CLIP1: variants seen among roughly 807,000 people sequenced by gnomAD.
CLIP1 encodes the protein CAP-Gly domain containing linker protein 1.
In CLIP1, 66 loss-of-function variants were observed where a neutral mutation model predicts 161.6. The observed-to-expected ratio is 0.41, with a 90% CI of 0.33 to 0.50. The LOEUF is 0.50. Among genes scored for constraint, CLIP1 ranks in the 20% least tolerant of loss-of-function variants. The pLI is 0.27. For missense variants in CLIP1, 1,376 were observed against 1,702.0 expected (o/e 0.81, Z 3.37); for synonymous variants, 598 against 626.2 (o/e 0.96, Z 0.67).
At chr12:122,383,376 A>C (rs1039413986) in intron 1 of CLIP1, among the ~76,000 whole-genome samples, 6 of 152,236 alleles carry the variant, frequency 3.9e-5, no homozygotes, top group African/African-American at 1.4e-4. Flanking sequence ...GAACTTTCAA[A>C]TCTTGCAGCT....
intron 1 of CLIP1, among the ~76,000 whole-genome samples, chr12:122,409,999 T>C (rs1367818341): frequency 6.6e-6 from 1 of 151,290 alleles, no homozygotes; most frequent in Admixed American, 6.6e-5. Context: ...GCCTCCCGAG[T>C]AGCTGGGACT....
chr12:122,394,408 G>A (rs929960408), intron 1 of CLIP1, among the ~76,000 whole-genome samples: 1 of 140,608 alleles, frequency 7.1e-6, no homozygotes, highest in African/African-American at 2.7e-5. Context: ...AGAATCGTTT[G>A]AAGCCGGGAA....
chr12:122,346,994 T>C (rs764599217), intron 10 of CLIP1, among the ~76,000 whole-genome samples: 8 of 152,110 alleles, frequency 5.3e-5, no homozygotes, highest in Non-Finnish European at 8.8e-5. Context: ...TAACAAAAAA[T>C]TATTTAGAAA....
intron 2 of CLIP1, 46 bp from the exon 3 acceptor site, chr12:122,378,006 A>T: frequency 6.7e-7 from 1 of 1,503,484 alleles, no homozygotes; most frequent in Non-Finnish European, 9.0e-7. Context: ...TTTCAAGCAG[A>T]CAACCTCTAA....
intron 20 of CLIP1, among the ~76,000 whole-genome samples, chr12:122,298,042 TG>T (rs1172140630): frequency 6.6e-6 from 1 of 152,192 alleles, no homozygotes; most frequent in Non-Finnish European, 1.5e-5. Context: ...CCCACGGCAT[TG>T]GTCAAGGCTG....
At chr12:122,287,805 C>T (rs1016747763) in intron 21 of CLIP1, among the ~76,000 whole-genome samples, 6 of 152,112 alleles carry the variant, frequency 3.9e-5, no homozygotes, top group African/African-American at 1.4e-4. Context: ...AATCACATTA[C>T]CCATTATTAG....
In CLIP1 at chr12:122,309,773, T is replaced by C. The variant is rs763621326; in HGVS notation, c.3583A>G (p.Ser1195Gly). Residue 1195 changes from serine (S) to glycine (G), a missense_variant, in exon 20 of 26, where the codon AGT (serine) becomes GGT (glycine). By Grantham distance (56) the Ser-to-Gly change is moderately conservative. This residue lies in a region of CLIP1 where 948 missense variants were observed against 1,134.8 expected (regional missense o/e 0.84). Transcript: ENST00000620786. ...CAAAGGACACTGACCTTTTGATGAC[T>C]TGTGACTTCGTCCCTGCTTCTCCCC... is the stretch of plus-strand genomic sequence containing the variant. Reference protein sequence around the residue: ...ELGRSRDEVTSHQKLEEERSV... With the variant: ...ELGRSRDEVTGHQKLEEERSV... 6.2e-7 allele frequency: 1 copy of C among 1,612,668 alleles called. No individual in the cohort carries two copies. The highest frequency in any genetic ancestry group is 1.1e-5 in the South Asian group (1 of 91,010).
chr12:122,346,568 T>A (rs1459156691), intron 10 of CLIP1, among the ~76,000 whole-genome samples: 3 of 152,134 alleles, frequency 2.0e-5, no homozygotes, highest in Non-Finnish European at 1.5e-5. Context: ...AGTGGCACGA[T>A]CTCAGCTCAT....
chr12:122,272,511 T>A lies in CLIP1; in HGVS notation c.*364A>T. On this transcript the variant is annotated 3_prime_UTR_variant, in exon 26 of 26. Transcript: ENST00000620786. ...TATACAAATGCAGCCTGGAAATATCTTAGTGCAAATATGAAAAGTAACGGC... is the reference window on the plus strand; with the variant it reads ...TATACAAATGCAGCCTGGAAATATCATAGTGCAAATATGAAAAGTAACGGC... 1 of 178,696 alleles carries A rather than the reference T, an allele frequency of 5.6e-6. No individual in the cohort carries two copies. Among genetic ancestry groups the A allele is most frequent in the Non-Finnish European group, 1.2e-5 (1 of 84,162 alleles). 11.1% of individuals were successfully genotyped at this position (178,696 alleles called of 1,614,324 possible).
At chr12:122,303,576 T>C (rs1159934372) in intron 20 of CLIP1, among the ~76,000 whole-genome samples, 8 of 152,194 alleles carry the variant, frequency 5.3e-5, no homozygotes, top group African/African-American at 1.9e-4. Flanking sequence ...TCCTGAGATT[T>C]TTCTTCAGTG....
At chr12:122,365,029 G>A in intron 3 of CLIP1, 2 of 399,874 alleles carry the variant, frequency 5.0e-6, no homozygotes, top group Non-Finnish European at 9.5e-6. Flanking sequence ...GGTGGGAATT[G>A]AACAATGAGA....
intron 1 of CLIP1, 85 bp from the exon 2 acceptor site, chr12:122,380,643 C>T: frequency 4.9e-6 from 2 of 407,392 alleles, no homozygotes; most frequent in Non-Finnish European, 8.8e-6. Flanking sequence ...TAAAGCTTTC[C>T]TTTCATTTGA....
At chr12:122,347,342 G>A (rs1208572711) in intron 10 of CLIP1, 33 bp downstream of exon 10, 2 of 1,469,488 alleles carry the variant, frequency 1.4e-6, no homozygotes, top group African/African-American at 2.8e-5. Flanking sequence ...TCACATGCAT[G>A]GGTCTGCTTC....
At chr12:122,421,689 T>A (rs1593288506) in intron 1 of CLIP1, among the ~76,000 whole-genome samples, 1 of 151,624 alleles carries the variant, frequency 6.6e-6, no homozygotes, top group East Asian at 1.9e-4. Flanking sequence ...GAGGAGGGGG[T>A]GGCGCTCGGC....
chr12:122,278,702 G>A, intron 23 of CLIP1, 90 bp downstream of exon 23: 2 of 1,348,888 alleles, frequency 1.5e-6, no homozygotes, highest in Non-Finnish European at 2.0e-6. Flanking sequence ...AGGGCAGCAT[G>A]AGAGCTGTCT....
chr12:122,300,710 C>A (rs1394975467), intron 20 of CLIP1, among the ~76,000 whole-genome samples: 1 of 152,198 alleles, frequency 6.6e-6, no homozygotes. Flanking sequence ...CCGTATTGAA[C>A]ATCTCTGTGA....
At chr12:122,273,604 A>C (rs1397695469) in intron 25 of CLIP1, among the ~76,000 whole-genome samples, 3 of 152,178 alleles carry the variant, frequency 2.0e-5, no homozygotes, top group African/African-American at 7.2e-5. Context: ...CTCACTTGCC[A>C]GATTTATGGA....
intron 17 of CLIP1, 72 bp downstream of exon 17, chr12:122,327,875 T>A (rs1419875508): frequency 1.4e-6 from 2 of 1,446,748 alleles, no homozygotes; most frequent in African/African-American, 1.4e-5. Flanking sequence ...TGCTGCTTTC[T>A]AAGCACCCTT....
At chr12:122,336,962 G>GTTTTT (rs11433673) in intron 11 of CLIP1, among the ~76,000 whole-genome samples, 6 of 144,348 alleles carry the variant, frequency 4.2e-5, no homozygotes, top group Admixed American at 1.4e-4. Context: ...CTATTTTTGT[G>GTTTTT]TTTTTTTTTT....
Sources: allele counts gnomAD v4.1 joint callset (sites outside exome capture counted in the v4.1 genomes callset), GRCh38; gene constraint gnomAD v4.1.1; regional missense constraint gnomAD v4.1.1; transcripts MANE v1.5; gene names NCBI Gene and HGNC (gene_info 2026-07-23, HGNC 2026-07-21).